The following TAFA1 variants were observed in gnomAD, a reference collection of about 807,000 sequenced individuals.
TAFA1 encodes chemokine-like protein TAFA-1.
Under a neutral mutation model 18.5 loss-of-function variants are expected in TAFA1, and 4 were observed. That is an observed-to-expected ratio of 0.22 (90% CI 0.11 to 0.49). TAFA1 has a LOEUF of 0.49. Ranked by LOEUF, TAFA1 falls within the 20% of genes least tolerant of loss-of-function variation. The pLI, the probability that TAFA1 is intolerant of heterozygous loss-of-function variation, is 0.98. For synonymous variants in TAFA1, 56 were observed against 55.2 expected, an observed-to-expected ratio of 1.01 and a Z score of -0.06; for missense variants, 147 against 169.0, an observed-to-expected ratio of 0.87 and a Z score of 0.72.
intron 2 of TAFA1, among the ~76,000 whole-genome samples, chr3:68,043,161 C>T (rs557060044): frequency 3.5e-4 from 53 of 152,208 alleles, no homozygotes; most frequent in Admixed American, 7.9e-4. Context: ...TGTGAGCCAC[C>T]GTGCCCAGCC....
At chr3:68,315,773 G>A (rs1341948974) in intron 2 of TAFA1, among the ~76,000 whole-genome samples, 2 of 152,112 alleles carry the variant, frequency 1.3e-5, no homozygotes, top group East Asian at 3.9e-4. Flanking sequence ...TTTAATTTTT[G>A]TCAACATTGA....
intron 2 of TAFA1, among the ~76,000 whole-genome samples, chr3:68,364,637 A>G (rs2069531928): frequency 6.6e-6 from 1 of 152,208 alleles, no homozygotes; most frequent in South Asian, 2.1e-4. Flanking sequence ...ACTGAGATGT[A>G]TATCTAAGAA....
intron 2 of TAFA1, among the ~76,000 whole-genome samples, chr3:68,222,456 C>T (rs905559218): frequency 1.3e-5 from 2 of 152,274 alleles, no homozygotes; most frequent in Admixed American, 1.3e-4. Flanking sequence ...TCCCCCTCCT[C>T]TTGCCTTCAG....
At chr3:68,402,837 A>G (rs774056219) in intron 2 of TAFA1, among the ~76,000 whole-genome samples, 1 of 152,142 alleles carries the variant, frequency 6.6e-6, no homozygotes, top group Non-Finnish European at 1.5e-5. Flanking sequence ...TCACTGAGTG[A>G]AGGCCTTGGA....
At chr3:68,519,730 A>G (rs1311583350) in intron 3 of TAFA1, among the ~76,000 whole-genome samples, 3 of 152,200 alleles carry the variant, frequency 2.0e-5, no homozygotes, top group Admixed American at 2.0e-4. Flanking sequence ...CTCACATGGC[A>G]GAAAGCAGAG....
At chr3:68,275,921 T>G (rs951410067) in intron 2 of TAFA1, among the ~76,000 whole-genome samples, 9 of 152,102 alleles carry the variant, frequency 5.9e-5, no homozygotes, top group African/African-American at 1.7e-4. Flanking sequence ...CTTTCTCTGT[T>G]TCACTAGATG....
chr3:68,046,886 G>GT (rs1349288926), intron 2 of TAFA1, among the ~76,000 whole-genome samples: 1 of 152,132 alleles, frequency 6.6e-6, no homozygotes, highest in Admixed American at 6.6e-5. Flanking sequence ...GATGATATTA[G>GT]TTTATCCTGG....
intron 3 of TAFA1, among the ~76,000 whole-genome samples, chr3:68,504,955 C>T (rs1234246310): frequency 6.6e-6 from 1 of 152,040 alleles, no homozygotes; most frequent in Non-Finnish European, 1.5e-5. Context: ...CAGATTGTAA[C>T]ATTTGTGGGC....
intron 2 of TAFA1, 118 bp from the exon 3 acceptor site, chr3:68,417,162 T>C (rs1185678983): frequency 1.1e-5 from 8 of 750,610 alleles, no homozygotes; most frequent in South Asian, 7.3e-5. Context: ...TTGTATTTCA[T>C]GGAAACTGTT....
chr3:68,311,109 T>G (rs1191753324), intron 2 of TAFA1, among the ~76,000 whole-genome samples: 1 of 152,056 alleles, frequency 6.6e-6, no homozygotes, highest in Non-Finnish European at 1.5e-5. Context: ...ACTCCCATTT[T>G]TAAAACTGTC....
chr3:68,193,667 T>C (rs1053921715), intron 2 of TAFA1, among the ~76,000 whole-genome samples: 10 of 151,804 alleles, frequency 6.6e-5, no homozygotes, highest in African/African-American at 2.2e-4. Context: ...TGCAAATCAA[T>C]AGGAAAATAC....
At chr3:68,013,229 T>C (rs999214539) in intron 2 of TAFA1, among the ~76,000 whole-genome samples, 2 of 152,194 alleles carry the variant, frequency 1.3e-5, no homozygotes, top group African/African-American at 4.8e-5. Flanking sequence ...TGTTCCTTAG[T>C]TGTTACTACT....
intron 2 of TAFA1, among the ~76,000 whole-genome samples, chr3:68,022,439 T>C (rs1316056485): frequency 6.6e-6 from 1 of 152,098 alleles, no homozygotes; most frequent in Non-Finnish European, 1.5e-5. Flanking sequence ...GTAACTCCAA[T>C]AGTATCTGTC....
chr3:68,368,925 T>C (rs2069626100), intron 2 of TAFA1, among the ~76,000 whole-genome samples: 1 of 152,216 alleles, frequency 6.6e-6, no homozygotes, highest in South Asian at 2.1e-4. Context: ...GATAGTAGGT[T>C]CTGGACTAGT....
chr3:68,079,518 G>C (rs566475245), intron 2 of TAFA1, among the ~76,000 whole-genome samples: 99 of 152,050 alleles, frequency 6.5e-4, no homozygotes, highest in Non-Finnish European at 1.2e-3. Context: ...TTGTGTCTTT[G>C]TTCTCGTTGG....
At chr3:68,322,790 A>G (rs1179260374) in intron 2 of TAFA1, among the ~76,000 whole-genome samples, 1 of 152,082 alleles carries the variant, frequency 6.6e-6, no homozygotes, top group Non-Finnish European at 1.5e-5. Context: ...TAAAAATACA[A>G]AAATTAGCTG....
At chr3:68,030,582 A>G (rs1704912210) in intron 2 of TAFA1, among the ~76,000 whole-genome samples, 1 of 152,138 alleles carries the variant, frequency 6.6e-6, no homozygotes, top group African/African-American at 2.4e-5. Context: ...TGTCCCTGCA[A>G]AGGACATGAA....
At chr3:68,254,047 C>A (rs7632177) in intron 2 of TAFA1, among the ~76,000 whole-genome samples, 1 of 151,846 alleles carries the variant, frequency 6.6e-6, no homozygotes, top group Non-Finnish European at 1.5e-5. Flanking sequence ...ATGCATGGAA[C>A]TCTGTGTTTC....
chr3:68,412,782 G>A (rs568211917), intron 2 of TAFA1, among the ~76,000 whole-genome samples: 1 of 152,278 alleles, frequency 6.6e-6, no homozygotes, highest in Non-Finnish European at 1.5e-5. Flanking sequence ...ATCATTGGTG[G>A]ACATTTGGCT....
Sources: allele counts gnomAD v4.1 joint callset (sites outside exome capture counted in the v4.1 genomes callset), GRCh38; gene constraint gnomAD v4.1.1; transcripts MANE v1.5; gene names NCBI Gene and HGNC (gene_info 2026-07-23, HGNC 2026-07-21).